MSANTD2: variants seen among roughly 807,000 people sequenced by gnomAD.
MSANTD2 encodes the protein myb/SANT-like DNA-binding domain-containing protein 2.
Under a neutral mutation model 52.6 loss-of-function variants are expected in MSANTD2, and 19 were observed. That is an observed-to-expected ratio of 0.36 (90% confidence interval 0.25 to 0.53). The LOEUF (loss-of-function observed/expected upper bound fraction) is 0.53. MSANTD2 is among the 20% of genes least tolerant of loss of function. The pLI is 0.91. For synonymous variants in MSANTD2, 291 were observed against 289.7 expected, an observed-to-expected ratio of 1.00 and a Z score of -0.04; for missense variants, 558 against 716.3, an observed-to-expected ratio of 0.78 and a Z score of 2.52.
At chr11:124,792,628 C>A (rs1361565397) in intron 1 of MSANTD2, 2 of 152,280 alleles carry the variant, frequency 1.3e-5, no homozygotes, top group East Asian at 1.9e-4. Context: ...ACATGACACA[C>A]AAGACCTTGT....
chr11:124,787,024 G>A (rs1240734281), intron 1 of MSANTD2, among the ~76,000 whole-genome samples: 2 of 152,044 alleles, frequency 1.3e-5, no homozygotes, highest in Non-Finnish European at 2.9e-5. Context: ...TATATGGTGG[G>A]GCTGGTAACA....
In MSANTD2 at chr11:124,766,814, T is replaced by A. The variant is rs1944316018; in HGVS notation, c.*362A>T. On this transcript the variant is annotated 3_prime_UTR_variant, in exon 4 of 4. Transcript: ENST00000374979. ...TGAAACATTGTGAAAAAAATACAAT[T>A]TTTCAATTTCATATGAAACTCAAAG... The A allele has an allele frequency of 5.9e-6, 1 of 169,648 alleles. No individual in the cohort carries two copies. Among genetic ancestry groups the A allele is most frequent in the African/African-American group, 2.4e-5 (1 of 42,052 alleles). The allele number at this position is 169,648 out of a possible 1,614,324, so 10.5% of individuals were successfully genotyped here. A position where few individuals can be genotyped will look rare whatever the true frequency, so the allele number is the denominator to read the frequency against.
chr11:124,783,688 TTTGA>T (rs1945062438), intron 1 of MSANTD2: 1 of 970,762 alleles, frequency 1.0e-6, no homozygotes, highest in Non-Finnish European at 1.2e-6. Context: ...TTCAGGAAAT[TTTGA>T]TTGTCAATGA....
At chr11:124,771,064 C>T (rs900239961) in intron 3 of MSANTD2, among the ~76,000 whole-genome samples, 7 of 152,102 alleles carry the variant, frequency 4.6e-5, no homozygotes, top group Admixed American at 6.5e-5. Context: ...GACAGGGTTT[C>T]ACCATGTTGG....
intron 1 of MSANTD2, among the ~76,000 whole-genome samples, chr11:124,786,984 T>G (rs1482064946): frequency 6.6e-6 from 1 of 152,196 alleles, no homozygotes; most frequent in African/African-American, 2.4e-5. Context: ...TTGTGACAAA[T>G]TAATCTATCT....
At chr11:124,783,624 A>C (rs945815669) in intron 1 of MSANTD2, 1 of 705,822 alleles carries the variant, frequency 1.4e-6, no homozygotes, top group Non-Finnish European at 1.7e-6. Flanking sequence ...TGTCTCAAAA[A>C]ATAAAAATAA....
At chr11:124,798,640 A>G (rs1591482867) in intron 1 of MSANTD2, among the ~76,000 whole-genome samples, 1 of 152,324 alleles carries the variant, frequency 6.6e-6, no homozygotes, top group Non-Finnish European at 1.5e-5. Flanking sequence ...AACATCCCCA[A>G]AGAAATACTA....
At chr11:124,795,415 G>A (rs1945462943) in intron 1 of MSANTD2, among the ~76,000 whole-genome samples, 1 of 152,240 alleles carries the variant, frequency 6.6e-6, no homozygotes, top group South Asian at 2.1e-4. Flanking sequence ...AAGTGTGAAT[G>A]CAGCATCTGG....
At chr11:124,790,185 C>T (rs932148364) in intron 1 of MSANTD2, 1 of 152,188 alleles carries the variant, frequency 6.6e-6, no homozygotes, top group African/African-American at 2.4e-5. Context: ...TTAGTTCTTA[C>T]TCTCTGGTAA....
chr11:124,800,326 T>G lies in MSANTD2; in HGVS notation c.55A>C (p.Lys19Gln), dbSNP rs897488478. The change falls in exon 1 of 4, where the codon AAG (lysine) becomes CAG (glutamine). Residue 19 changes from lysine (K) to glutamine (Q), a missense_variant. Around this residue, in one of 2 missense-constraint regions of MSANTD2, gnomAD observed 150 missense variants for 142.7 expected, o/e 1.05. Coordinates refer to ENST00000374979, the MANE Select transcript of MSANTD2 (RefSeq NM_001308027.2). This position sits in a 1 kb window ranked among gnomAD's most constrained non-coding sequence, Gnocchi z 4.3. The stretch of plus-strand genomic sequence containing the variant: ...GAAGCCGGGGAAAGCACCTCCATCT[T>G]CGGAATTTTTAGCGGCGAGTTGGCG... ...LPANSPLKIP[K>Q]MEVLSPASPG... 1 of 1,561,084 alleles carries G rather than the reference T, an allele frequency of 6.4e-7. No homozygotes were observed.
intron 1 of MSANTD2, among the ~76,000 whole-genome samples, chr11:124,796,833 C>T (rs1945510657): frequency 1.3e-5 from 2 of 152,228 alleles, no homozygotes; most frequent in African/African-American, 2.4e-5. Flanking sequence ...TTCTCATCAA[C>T]ACAAAGTGAA....
Position 124,767,560 on chromosome 11 carries a change from C to G in MSANTD2, c.1296G>C (p.Glu432Asp). 6.2e-7 allele frequency: 1 copy of G among 1,614,136 alleles called. No homozygotes were observed. The highest frequency in any genetic ancestry group is 8.5e-7 in the Non-Finnish European group (1 of 1,180,014). Reference sequence around the variant, plus strand: ...GCTCCATGTGTGGTGAGAGGGGCCTCTCAATACATTCTTCATAGCCAATGG... The same window carrying G: ...GCTCCATGTGTGGTGAGAGGGGCCTGTCAATACATTCTTCATAGCCAATGG... The part of the protein sequence containing the change: ...LYAIGYEECI[E>D]RPLSPHMEQS... The change falls in exon 4 of 4, where the codon GAG (glutamate) becomes GAC (aspartate). Residue 432 changes from glutamate to aspartate, a missense_variant. This residue lies in a region of MSANTD2 where 408 missense variants were observed against 573.6 expected (regional missense o/e 0.71). Coordinates refer to ENST00000374979, the MANE Select transcript of MSANTD2 (RefSeq NM_001308027.2). This position sits in a 1 kb window ranked among gnomAD's most constrained non-coding sequence, Gnocchi z 6.5.
chr11:124,776,539 C>T (rs571591938), intron 1 of MSANTD2, among the ~76,000 whole-genome samples: 85 of 152,352 alleles, frequency 5.6e-4, no homozygotes, highest in Middle Eastern at 3.4e-3. Context: ...TCAGGTGATC[C>T]GCCCGCCTTG....
At position 124,767,539 on chromosome 11, in the gene MSANTD2, C is replaced by T; in HGVS notation, c.1317G>A (p.Met439Ile). The change falls in exon 4 of 4, where the codon ATG becomes ATA. Residue 439 changes from methionine to isoleucine, a missense_variant. Physicochemically the swap from Met to Ile is conservative, Grantham distance 10 (BLOSUM62 1). This residue lies in a region of MSANTD2 where 408 missense variants were observed against 573.6 expected (regional missense o/e 0.71). Transcript: ENST00000374979. The surrounding 1 kb of genome is among the most constrained non-coding windows in gnomAD (Gnocchi z 6.5). ...ECIERPLSPH[M>I]EQSSLDPGKE... ...TTCCTGGGTCCAGGGAACTTTGCTCCATGTGTGGTGAGAGGGGCCTCTCAA... is the reference window on the plus strand; with the variant it reads ...TTCCTGGGTCCAGGGAACTTTGCTCTATGTGTGGTGAGAGGGGCCTCTCAA... The T allele has an allele frequency of 1.2e-6, 2 of 1,614,130 alleles. No individual in the cohort carries two copies.
chr11:124,773,207 T>C (rs969651526), intron 2 of MSANTD2, 153 bp from the exon 3 acceptor site: 3 of 557,214 alleles, frequency 5.4e-6, no homozygotes, highest in Non-Finnish European at 9.5e-6. Context: ...GATTTATAAA[T>C]ATAGCTCTTA....
In MSANTD2 at chr11:124,767,124, A is replaced by C. The variant is rs1017791275; in HGVS notation, c.*52T>G. On this transcript the variant is annotated 3_prime_UTR_variant, in exon 4 of 4. Coordinates refer to ENST00000374979, the MANE Select transcript of MSANTD2 (RefSeq NM_001308027.2). The surrounding 1 kb of genome is among the most constrained non-coding windows in gnomAD (Gnocchi z 6.5). ...ATGAGGGGTGGTCCGGGTAATGGGA[A>C]GTGAGTAGAGAAGAAGGAGCTAAGA... 2.6e-6 allele frequency: 4 copies of C among 1,525,534 alleles called. No individual in the cohort carries two copies. The African/African-American group carries it at 4.2e-5, about 16-fold the overall frequency. 94.5% of individuals were successfully genotyped at this position (1,525,534 alleles called of 1,614,324 possible).
Position 124,778,242 on chromosome 11 carries a change from T to C in MSANTD2, c.511-3268A>G, listed in dbSNP as rs144056533. 7.3e-3 allele frequency among the ~76,000 whole-genome samples: 1,106 copies of C among 152,334 alleles called. 18 individuals carry two copies. Among genetic ancestry groups the C allele is most frequent in the African/African-American group, 0.025 (1,038 of 41,576 alleles). On this transcript the variant is annotated intron_variant, in intron 1 of 3. Coordinates refer to ENST00000374979, the MANE Select transcript of MSANTD2 (RefSeq NM_001308027.2). ...TCAATTTGGCTTTCTTGGAGAACCA[T>C]GTCCTATTCAACACAAAAATCTTGC...
intron 3 of MSANTD2, among the ~76,000 whole-genome samples, chr11:124,769,220 G>A (rs1944412432): frequency 1.3e-5 from 2 of 152,290 alleles, no homozygotes; most frequent in East Asian, 3.9e-4. Context: ...TTCTCAGTCT[G>A]TCCTCTCGCT....
chr11:124,767,489 G>T lies in MSANTD2; in HGVS notation c.1367C>A (p.Thr456Asn), dbSNP rs749145357. 2.5e-6 allele frequency: 4 copies of T among 1,614,166 alleles called. No individual in the cohort carries two copies. Among genetic ancestry groups the T allele is most frequent in the Non-Finnish European group, 3.4e-6 (4 of 1,180,026 alleles). ...PGKEGRVDLETLSAQASLQVE... is the reference protein window; with the variant it reads ...PGKEGRVDLENLSAQASLQVE... Reference sequence around the variant, plus strand: ...CTGTAATGAGGCTTGTGCTGAAAGGGTTTCCAGGTCAACCCGGCCCTCTTT... The same window carrying T: ...CTGTAATGAGGCTTGTGCTGAAAGGTTTTCCAGGTCAACCCGGCCCTCTTT... The change falls in exon 4 of 4, where the codon ACC (threonine) becomes AAC (asparagine). Residue 456 changes from threonine to asparagine, a missense_variant. Transcript: ENST00000374979. The surrounding 1 kb of genome is among the most constrained non-coding windows in gnomAD (Gnocchi z 6.5).
Sources: allele counts gnomAD v4.1 joint callset (sites outside exome capture counted in the v4.1 genomes callset), GRCh38; gene constraint gnomAD v4.1.1; regional missense constraint gnomAD v4.1.1; non-coding constraint Gnocchi (gnomAD v3.1); transcripts MANE v1.5; gene names NCBI Gene and HGNC (gene_info 2026-07-23, HGNC 2026-07-21).